CTNNA3: variants seen among roughly 807,000 people sequenced by gnomAD.
CTNNA3 encodes catenin alpha-3.
In CTNNA3, 76 loss-of-function variants were observed where a neutral mutation model predicts 95.7. The ratio of observed to expected loss-of-function variants is 0.79; its 90% confidence interval spans 0.66 to 0.96. CTNNA3 has a LOEUF of 0.96. Among genes scored for constraint, CTNNA3 ranks in the 40% least tolerant of loss-of-function variants. The pLI, the probability that CTNNA3 is intolerant of heterozygous loss-of-function variation, is 0.00. For missense variants in CTNNA3, 1,191 were observed against 1,089.8 expected (o/e 1.09, Z -1.31); for synonymous variants, 431 against 374.4 (o/e 1.15, Z -1.74).
chr10:67,726,619 A>ATATATATTATATTATATATAATATATAC (rs1841228528), intron 1 of CTNNA3, among the ~76,000 whole-genome samples: 1 of 62,998 alleles, frequency 1.6e-5, no homozygotes, highest in Non-Finnish European at 2.6e-5. Flanking sequence ...ATAATATATA[A>ATATATATTATATTATATATAATATATAC]TATATATTAT....
chr10:66,310,840 C>T (rs1024489920), intron 12 of CTNNA3, among the ~76,000 whole-genome samples: 5 of 152,060 alleles, frequency 3.3e-5, no homozygotes, highest in Middle Eastern at 6.8e-3. Flanking sequence ...CCCACAACAA[C>T]GCCTGGCTAA....
At chr10:67,731,800 CAAAAA>C (rs199645393) in intron 1 of CTNNA3, among the ~76,000 whole-genome samples, 1 of 103,578 alleles carries the variant, frequency 9.7e-6, no homozygotes. Context: ...GACTCCGTCT[CAAAAA>C]AAAAAAAAAA....
intron 12 of CTNNA3, among the ~76,000 whole-genome samples, chr10:66,356,933 C>T (rs533246337): frequency 5.9e-5 from 9 of 151,992 alleles, no homozygotes; most frequent in African/African-American, 1.2e-4. Flanking sequence ...GAATTTTGAA[C>T]GGTCCTTGCA....
At chr10:66,208,052 A>T (rs559548390) in intron 13 of CTNNA3, among the ~76,000 whole-genome samples, 1 of 152,226 alleles carries the variant, frequency 6.6e-6, no homozygotes, top group African/African-American at 2.4e-5. Context: ...TAATGAGAAA[A>T]TGTGAAGAAA....
At chr10:67,591,420 A>C (rs1438888339) in intron 3 of CTNNA3, among the ~76,000 whole-genome samples, 1 of 152,158 alleles carries the variant, frequency 6.6e-6, no homozygotes, top group African/African-American at 2.4e-5. Context: ...TACACAAATT[A>C]GATATGGATA....
At chr10:65,935,454 G>A (rs776993641) in intron 17 of CTNNA3, among the ~76,000 whole-genome samples, 8 of 151,976 alleles carry the variant, frequency 5.3e-5, no homozygotes, top group Non-Finnish European at 7.4e-5. Context: ...AAGCAGAAAC[G>A]GTGACAGAGG....
Position 65,918,939 on chromosome 10 carries a change from G to A in CTNNA3, c.*1391C>T, listed in dbSNP as rs1481439727. On this transcript the variant is annotated 3_prime_UTR_variant, in exon 18 of 18. Transcript: ENST00000433211. The stretch of plus-strand genomic sequence containing the variant: ...GTAAATTTTTTTCTCATCAATCTAA[G>A]GTTACATCGTTGCTGAGACGCCTCT... 4 of 152,016 alleles carry A rather than the reference G, an allele frequency of 2.6e-5. No homozygotes were observed. Among genetic ancestry groups the A allele is most frequent in the African/African-American group, 9.7e-5 (4 of 41,388 alleles). The allele number at this position is 152,016 out of a possible 1,614,324, so 9.4% of individuals were successfully genotyped here.
At chr10:67,103,394 A>G (rs1858452899) in intron 7 of CTNNA3, among the ~76,000 whole-genome samples, 1 of 151,736 alleles carries the variant, frequency 6.6e-6, no homozygotes, top group Non-Finnish European at 1.5e-5. Context: ...TTCGAGAGGC[A>G]TATCTGAAAA....
intron 9 of CTNNA3, among the ~76,000 whole-genome samples, chr10:66,632,189 A>G (rs978349413): frequency 1.3e-5 from 2 of 152,120 alleles, no homozygotes; most frequent in African/African-American, 4.8e-5. Context: ...TTATAGAGCT[A>G]TACTGAACTT....
chr10:67,725,727 C>A (rs951857394), intron 1 of CTNNA3, among the ~76,000 whole-genome samples: 2 of 151,516 alleles, frequency 1.3e-5, no homozygotes, highest in Non-Finnish European at 2.9e-5. Flanking sequence ...TATGCCAAAA[C>A]CTATGTTCTA....
At chr10:67,756,079 A>G (rs1375811989) in intron 1 of CTNNA3, among the ~76,000 whole-genome samples, 2 of 152,152 alleles carry the variant, frequency 1.3e-5, no homozygotes. Flanking sequence ...CAGATATTGC[A>G]TGTTCTGACT....
At chr10:66,849,902 G>A (rs1564722689) in intron 7 of CTNNA3, among the ~76,000 whole-genome samples, 1 of 129,220 alleles carries the variant, frequency 7.7e-6, no homozygotes, top group Non-Finnish European at 1.9e-5. Context: ...TCTTTTGAAA[G>A]CTTAAATTTT....
rs538488897 is a variant in CTNNA3, at chr10:67,378,909, G to A, written c.579+142933C>T. ...CATTCTGGACTTTGGCTAGGTAACT[G>A]AACAATTATGAGATACATGTCAAAT... On this transcript the variant is annotated intron_variant, in intron 5 of 17. Transcript: ENST00000433211. 2.0e-5 allele frequency among the ~76,000 whole-genome samples: 3 copies of A among 152,214 alleles called. 1 individual carries two copies. In the South Asian group the frequency reaches 6.2e-4, roughly 32 times the overall value.
At chr10:65,942,406 A>G (rs2077444241) in intron 17 of CTNNA3, among the ~76,000 whole-genome samples, 2 of 152,056 alleles carry the variant, frequency 1.3e-5, no homozygotes, top group Admixed American at 1.3e-4. Flanking sequence ...AGGTGCCTAT[A>G]GTGTCCCAAC....
intron 7 of CTNNA3, among the ~76,000 whole-genome samples, chr10:66,860,414 C>T (rs1843868349): frequency 6.6e-6 from 1 of 152,080 alleles, no homozygotes; most frequent in Admixed American, 6.6e-5. Flanking sequence ...TTGGGACTTC[C>T]TTATTAAATC....
At chr10:66,891,019 C>T (rs12416402) in intron 7 of CTNNA3, among the ~76,000 whole-genome samples, 58,682 of 151,940 alleles carry the variant, frequency 0.39, 11,903 homozygotes, top group Non-Finnish European at 0.45. Flanking sequence ...CATATTAAAA[C>T]TCCAACCCTT....
Position 67,160,823 on chromosome 10 carries a change from T to C in CTNNA3, c.1047+19494A>G, listed in dbSNP as rs561892678. ...GAATGGATAAAAAATATGTGGTATA[T>C]ACATACAATGAAATATTATTCTGTA... On this transcript the variant is annotated intron_variant, in intron 7 of 17. Transcript: ENST00000433211. Among the ~76,000 whole-genome samples the C allele has an allele frequency of 5.0e-4, 76 of 152,328 alleles. 1 individual carries two copies. The highest frequency in any genetic ancestry group is 1.7e-3 in the African/African-American group (69 of 41,570).
intron 14 of CTNNA3, among the ~76,000 whole-genome samples, chr10:66,080,522 T>A (rs1301035109): frequency 6.6e-6 from 1 of 152,150 alleles, no homozygotes; most frequent in Non-Finnish European, 1.5e-5. Flanking sequence ...TACTTAAAGA[T>A]GTAGAATATG....
intron 11 of CTNNA3, among the ~76,000 whole-genome samples, chr10:66,452,655 C>T (rs1055824619): frequency 2.6e-5 from 4 of 152,094 alleles, no homozygotes; most frequent in Non-Finnish European, 5.9e-5. Flanking sequence ...CAGCCAGAGG[C>T]CACAAGATTC....
Sources: allele counts gnomAD v4.1 joint callset (sites outside exome capture counted in the v4.1 genomes callset), GRCh38; gene constraint gnomAD v4.1.1; transcripts MANE v1.5; gene names NCBI Gene and HGNC (gene_info 2026-07-23, HGNC 2026-07-21).